Variants in EMID1 observed in about 807,000 individuals in gnomAD.
EMID1 encodes the protein EMI domain containing 1, also known as EMI domain-containing protein 1.
Under a neutral mutation model 60.6 loss-of-function variants are expected in EMID1, and 40 were observed. The observed-to-expected ratio is 0.66, with a 90% CI of 0.51 to 0.86. EMID1 has a LOEUF of 0.86. Among genes scored for constraint, EMID1 ranks in the 40% least tolerant of loss-of-function variants. The probability of loss-of-function intolerance (pLI) is 0.00; values close to 1 mark genes in which losing one functional copy is unlikely to be tolerated. For missense variants in EMID1, 585 were observed against 597.1 expected (o/e 0.98, Z 0.21); for synonymous variants, 242 against 231.0 (o/e 1.05, Z -0.43).
chr22:29,215,562 T>G lies in EMID1; in HGVS notation c.251T>G (p.Met84Arg). 6.2e-7 allele frequency: 1 copy of G among 1,614,036 alleles called. No homozygotes were observed. Among genetic ancestry groups the G allele is most frequent in the Non-Finnish European group, 8.5e-7 (1 of 1,179,956 alleles). The change falls in exon 3 of 15, where the codon ATG (methionine) becomes AGG (arginine). Residue 84 changes from methionine (M) to arginine (R), a missense_variant. Met to Arg is a moderately conservative substitution (Grantham distance 91). Coordinates refer to ENST00000334018, the MANE Select transcript of EMID1 (RefSeq NM_133455.4). ...RTVVRPTYKVMYKIVTAREWR... is the reference protein window; with the variant it reads ...RTVVRPTYKVRYKIVTAREWR... The stretch of plus-strand genomic sequence containing the variant: ...GTGGTGAGACCCACATACAAGGTGA[T>G]GTACAAGATAGTGACCGCCCGTGAG...
At chr22:29,251,002 C>T (rs906847849) in intron 13 of EMID1, among the ~76,000 whole-genome samples, 3 of 151,916 alleles carry the variant, frequency 2.0e-5, no homozygotes, top group East Asian at 1.9e-4. Flanking sequence ...ACTGCAGCCT[C>T]GACCTCAGGG....
chr22:29,221,965 C>A (rs2040315105), intron 3 of EMID1, among the ~76,000 whole-genome samples: 1 of 151,988 alleles, frequency 6.6e-6, no homozygotes, highest in Admixed American at 6.6e-5. Context: ...CTGGTCAGAC[C>A]ATGTTTTTAT....
At chr22:29,243,383 T>G in intron 12 of EMID1, 62 bp from the exon 13 acceptor site, 1 of 1,551,170 alleles carries the variant, frequency 6.4e-7, no homozygotes, top group South Asian at 1.1e-5. Context: ...TCCCTCTTTT[T>G]TTCCCGTCCC....
At position 29,206,249 on chromosome 22, in the gene EMID1, G is replaced by C. The variant is rs988841000; in HGVS notation, c.101+110G>C. On this transcript the variant is annotated intron_variant, in intron 1 of 14. Coordinates refer to ENST00000334018, the MANE Select transcript of EMID1 (RefSeq NM_133455.4). ...GAGGGCGATCCAGTCCCCAGCCCGG[G>C]TGAGGGCAGGGACACGGCCATCCCG... 7.0e-6 allele frequency: 6 copies of C among 855,114 alleles called. No homozygotes were observed. In the African/African-American group the frequency reaches 1.1e-4, roughly 15 times the overall value. 53.0% of individuals were successfully genotyped at this position (855,114 alleles called of 1,614,324 possible). A position where few individuals can be genotyped will look rare whatever the true frequency, so the allele number is the denominator to read the frequency against.
Position 29,215,522 on chromosome 22 carries a change from T to C in EMID1, c.216-5T>C. On this transcript the variant is annotated splice_region_variant and splice_polypyrimidine_tract_variant and intron_variant, in intron 2 of 14. Transcript: ENST00000334018. ...CTCAGCTGGGCCACCTGGGGACTCT[T>C]TCAGCTACAGAACTGTGGTGAGACC... 1 of 1,613,580 alleles carries C rather than the reference T, an allele frequency of 6.2e-7. No homozygotes were observed. The highest frequency in any genetic ancestry group is 8.5e-7 in the Non-Finnish European group (1 of 1,179,558).
intron 14 of EMID1, chr22:29,255,479 T>G (rs1460488629): frequency 1.7e-5 from 13 of 760,262 alleles, no homozygotes; most frequent in East Asian, 3.0e-5. Flanking sequence ...TCATTCTTCA[T>G]CCAGCCAGCC....
At chr22:29,255,124 G>C (rs2041655370) in intron 14 of EMID1, 1 of 479,310 alleles carries the variant, frequency 2.1e-6, no homozygotes, top group African/African-American at 2.0e-5. Flanking sequence ...CATAGGAGGG[G>C]AAACTGAGGT....
At chr22:29,255,618 G>A (rs1333300448) in intron 14 of EMID1, 1 of 347,422 alleles carries the variant, frequency 2.9e-6, no homozygotes, top group Non-Finnish European at 5.2e-6. Context: ...CCCTTGAGGA[G>A]TGTAGGGTGC....
At chr22:29,229,942 A>G (rs1185567037) in intron 5 of EMID1, among the ~76,000 whole-genome samples, 1 of 152,196 alleles carries the variant, frequency 6.6e-6, no homozygotes, top group Non-Finnish European at 1.5e-5. Context: ...GGACACTTCC[A>G]GCTTCCCAGA....
In EMID1 at chr22:29,234,171, C is replaced by G; in HGVS notation, c.1001C>G (p.Ser334Cys). 1 of 1,602,160 alleles carries G rather than the reference C, an allele frequency of 6.2e-7. No homozygotes were observed. Among genetic ancestry groups the G allele is most frequent in the South Asian group, 1.1e-5 (1 of 88,964 alleles). ...GGCCCCACTGGACCCAAAGGAATCT[C>G]TGGCCACCCAGGAGAGAAGGGCGAG... ...PPGPTGPKGI[S>C]GHPGEKGERG... Residue 334 changes from serine to cysteine, a missense_variant, in exon 11 of 15, where the codon TCT becomes TGT. Coordinates refer to ENST00000334018, the MANE Select transcript of EMID1 (RefSeq NM_133455.4).
chr22:29,230,981 A>G, intron 5 of EMID1, 39 bp from the exon 6 acceptor site: 3 of 1,595,908 alleles, frequency 1.9e-6, no homozygotes, highest in Non-Finnish European at 2.6e-6. Flanking sequence ...GGTCCTAGTG[A>G]GACCCTGGTA....
intron 1 of EMID1, among the ~76,000 whole-genome samples, chr22:29,208,596 G>A (rs2039766948): frequency 2.0e-5 from 3 of 152,244 alleles, no homozygotes; most frequent in Admixed American, 2.0e-4. Context: ...CTAAAATGGA[G>A]GGGATCTGCC....
At position 29,258,956 on chromosome 22, in the gene EMID1, G is replaced by A. The variant is rs1410748561; in HGVS notation, c.*12G>A. On this transcript the variant is annotated 3_prime_UTR_variant, in exon 15 of 15. Coordinates refer to ENST00000334018, the MANE Select transcript of EMID1 (RefSeq NM_133455.4). ...ACGAGAGAGGCTGAGGGTGGTGGCG[G>A]CCCCTGAGGCAGACCAGGCCAGGCT... 5 of 1,609,216 alleles carry A rather than the reference G, an allele frequency of 3.1e-6. No individual in the cohort carries two copies. The African/African-American group carries it at 6.7e-5, about 22-fold the overall frequency.
At chr22:29,255,319 C>T (rs954071803) in intron 14 of EMID1, 6 of 1,524,904 alleles carry the variant, frequency 3.9e-6, no homozygotes, top group Non-Finnish European at 4.4e-6. Context: ...GCTGGAGCTC[C>T]TGGCCAGACG....
At chr22:29,221,386 T>C (rs895445672) in intron 3 of EMID1, among the ~76,000 whole-genome samples, 2 of 152,142 alleles carry the variant, frequency 1.3e-5, no homozygotes, top group African/African-American at 4.8e-5. Context: ...TTTTGTTCTG[T>C]GTTTTTGAGA....
intron 1 of EMID1, among the ~76,000 whole-genome samples, chr22:29,212,070 C>G (rs369313618): frequency 6.6e-5 from 10 of 152,234 alleles, no homozygotes; most frequent in African/African-American, 2.4e-4. Context: ...ACTGCAACCT[C>G]TGCCTCCCGG....
rs145215529 is a variant in EMID1, at chr22:29,255,660, G to A, written c.1204+1373G>A. 237 of 273,808 alleles carry A rather than the reference G, an allele frequency of 8.7e-4. 1 individual carries two copies. In the East Asian group the frequency reaches 0.012, roughly 14 times the overall value. 17.0% of individuals were successfully genotyped at this position (273,808 alleles called of 1,614,324 possible). On this transcript the variant is annotated intron_variant, in intron 14 of 14. Transcript: ENST00000334018. ...GCTCAGGAGAACCCTGACACTGGTA[G>A]AGAAACCCAGGTGAGCTACACTGCA...
At chr22:29,240,451 C>G (rs923787774) in intron 12 of EMID1, among the ~76,000 whole-genome samples, 1 of 151,716 alleles carries the variant, frequency 6.6e-6, no homozygotes, top group Non-Finnish European at 1.5e-5. Flanking sequence ...GCCTTTGGAA[C>G]ACCAAACTCT....
chr22:29,217,835 G>T lies in EMID1; in HGVS notation c.319+2205G>T, dbSNP rs1310350169. Among the ~76,000 whole-genome samples, 3 of 152,158 alleles carry T rather than the reference G, an allele frequency of 2.0e-5. No homozygotes were observed. In the East Asian group the frequency reaches 5.8e-4, roughly 29 times the overall value. On this transcript the variant is annotated intron_variant, in intron 3 of 14. Transcript: ENST00000334018. ...GTCTCTGCCCTTCCTCCCACAGTTG[G>T]TTTCAGGCTGGGCTCCCAAGCTGCT...
Sources: allele counts gnomAD v4.1 joint callset (sites outside exome capture counted in the v4.1 genomes callset), GRCh38; gene constraint gnomAD v4.1.1; transcripts MANE v1.5; gene names NCBI Gene and HGNC (gene_info 2026-07-23, HGNC 2026-07-21).